Variants in SYN3 observed in about 807,000 individuals in gnomAD.
The protein encoded by SYN3 is synapsin-3.
SYN3 carries 35 observed loss-of-function variants against 65.8 expected under a neutral mutation model. That is an observed-to-expected ratio of 0.53 (90% CI 0.41 to 0.70). The LOEUF is 0.70. SYN3 is among the 30% of genes least tolerant of loss of function. The probability of loss-of-function intolerance (pLI) is 0.00; values close to 1 mark genes in which losing one functional copy is unlikely to be tolerated. For missense variants in SYN3, 680 were observed against 749.0 expected, an observed-to-expected ratio of 0.91 and a Z score of 1.08; for synonymous variants, 270 against 292.9, an observed-to-expected ratio of 0.92 and a Z score of 0.80.
At chr22:32,541,160 C>A (rs753102805) in intron 8 of SYN3, among the ~76,000 whole-genome samples, 27 of 152,182 alleles carry the variant, frequency 1.8e-4, no homozygotes, top group Admixed American at 7.2e-4. Flanking sequence ...CCGTTCTGCA[C>A]CTCCCAGCCT....
intron 6 of SYN3, among the ~76,000 whole-genome samples, chr22:32,727,068 A>G (rs1229348404): frequency 2.0e-5 from 3 of 151,602 alleles, no homozygotes; most frequent in African/African-American, 4.9e-5. Context: ...GGTTTGCTGC[A>G]TGGATCATCC....
rs1000618140 is a variant in SYN3, at chr22:32,772,839, T to A, written c.711+92076A>T. On this transcript the variant is annotated intron_variant, in intron 6 of 13. Coordinates refer to ENST00000358763, the MANE Select transcript of SYN3 (RefSeq NM_003490.4). ...CTGAAGGGAGGATGCCCTGCCAACA[T>A]CTTGATGTCAGCCCAGTAGAACTGA... 4.6e-4 allele frequency among the ~76,000 whole-genome samples: 70 copies of A among 152,208 alleles called. 1 individual carries two copies. The highest frequency in any genetic ancestry group is 9.3e-4 in the Non-Finnish European group (63 of 68,016).
intron 3 of SYN3, among the ~76,000 whole-genome samples, chr22:32,950,374 G>A (rs940859336): frequency 4.6e-5 from 7 of 152,116 alleles, no homozygotes; most frequent in South Asian, 2.1e-4. Context: ...GGTCATGGCC[G>A]GGGGTGATTC....
chr22:32,615,546 C>T (rs2059507409), intron 6 of SYN3, among the ~76,000 whole-genome samples: 1 of 151,806 alleles, frequency 6.6e-6, no homozygotes, highest in South Asian at 2.1e-4. Context: ...TCGGCTCCAT[C>T]CAGCTCTGCC....
intron 6 of SYN3, among the ~76,000 whole-genome samples, chr22:32,760,532 T>C (rs1214860967): frequency 6.6e-6 from 1 of 152,052 alleles, no homozygotes; most frequent in East Asian, 2.0e-4. Context: ...GGAGTGGTCT[T>C]CCCTTCCACC....
rs761929046 is a variant in SYN3, at chr22:32,509,096, A to C, written c.*4596T>G. Among the ~76,000 whole-genome samples, 7 of 152,240 alleles carry C rather than the reference A, an allele frequency of 4.6e-5. No homozygotes were observed. Among genetic ancestry groups the C allele is most frequent in the Admixed American group, 2.6e-4 (4 of 15,284 alleles). Reference sequence around the variant, plus strand: ...CTAGGGAACTGATGGAAGAGAAAGGATATGCCACTGTTCCTGGAAAGCTGA... The same window carrying C: ...CTAGGGAACTGATGGAAGAGAAAGGCTATGCCACTGTTCCTGGAAAGCTGA... On this transcript the variant is annotated 3_prime_UTR_variant, in exon 14 of 14. Transcript: ENST00000358763.
intron 6 of SYN3, among the ~76,000 whole-genome samples, chr22:32,815,840 C>A (rs1478245596): frequency 1.3e-5 from 2 of 152,158 alleles, no homozygotes; most frequent in Non-Finnish European, 2.9e-5. Context: ...CCAATTCTGC[C>A]CACGGTCACC....
chr22:32,607,779 T>C, intron 6 of SYN3, among the ~76,000 whole-genome samples: 1 of 152,262 alleles, frequency 6.6e-6, no homozygotes, highest in Non-Finnish European at 1.5e-5. Context: ...TGTTCTTGCC[T>C]GTGTGATGTT....
At chr22:32,937,045 A>C (rs2050793810) in intron 3 of SYN3, among the ~76,000 whole-genome samples, 1 of 152,222 alleles carries the variant, frequency 6.6e-6, no homozygotes, top group South Asian at 2.1e-4. Flanking sequence ...AGCACCCAAC[A>C]CATCACATTC....
intron 1 of SYN3, among the ~76,000 whole-genome samples, chr22:33,008,514 G>A (rs1254953824): frequency 6.6e-6 from 1 of 152,008 alleles, no homozygotes; most frequent in East Asian, 1.9e-4. Context: ...TCCCTCAATG[G>A]TTCTGAGATG....
chr22:32,595,497 AT>A (rs2059185978), intron 7 of SYN3, among the ~76,000 whole-genome samples: 1 of 152,180 alleles, frequency 6.6e-6, no homozygotes. Flanking sequence ...TCAGGATGTT[AT>A]TTGTGACTGT....
chr22:32,819,215 C>T (rs1271579135), intron 6 of SYN3, among the ~76,000 whole-genome samples: 1 of 152,188 alleles, frequency 6.6e-6, no homozygotes, highest in African/African-American at 2.4e-5. Context: ...CCTTGCAGGC[C>T]GGTGCTGGGT....
intron 6 of SYN3, among the ~76,000 whole-genome samples, chr22:32,720,670 G>C (rs1027265835): frequency 6.6e-6 from 1 of 152,206 alleles, no homozygotes; most frequent in African/African-American, 2.4e-5. Context: ...CTGAGGACCA[G>C]AGTCCATAAA....
intron 3 of SYN3, among the ~76,000 whole-genome samples, chr22:32,974,929 G>A (rs982267655): frequency 6.6e-6 from 1 of 152,172 alleles, no homozygotes. Context: ...AGCAAACACA[G>A]CTAAAATATG....
intron 6 of SYN3, among the ~76,000 whole-genome samples, chr22:32,761,612 C>G (rs975955613): frequency 6.6e-5 from 10 of 152,168 alleles, no homozygotes; most frequent in Non-Finnish European, 1.3e-4. Context: ...GGTGGGGGTG[C>G]CTCTGAAACC....
At chr22:32,714,325 TCA>T (rs1218056954) in intron 6 of SYN3, among the ~76,000 whole-genome samples, 1 of 152,206 alleles carries the variant, frequency 6.6e-6, no homozygotes, top group African/African-American at 2.4e-5. Flanking sequence ...TCTGTGGACC[TCA>T]GTTTCCCTAT....
intron 1 of SYN3, among the ~76,000 whole-genome samples, chr22:33,025,091 A>G (rs1477270079): frequency 6.6e-6 from 1 of 151,962 alleles, no homozygotes; most frequent in African/African-American, 2.4e-5. Context: ...TGTAATCCCA[A>G]CACTTTGGGA....
chr22:32,962,355 C>T (rs921886756), intron 3 of SYN3, among the ~76,000 whole-genome samples: 20 of 151,952 alleles, frequency 1.3e-4, no homozygotes, highest in Admixed American at 2.6e-4. Flanking sequence ...AGGATGGTCT[C>T]GATCTCTTGA....
intron 7 of SYN3, among the ~76,000 whole-genome samples, chr22:32,551,582 A>T (rs1425293846): frequency 2.0e-5 from 3 of 152,070 alleles, no homozygotes; most frequent in Non-Finnish European, 4.4e-5. Flanking sequence ...GGCTTATGTC[A>T]TACTAACCAT....
Sources: gnomAD v4.1 joint callset for allele counts (sites outside exome capture counted in the v4.1 genomes callset) on GRCh38, gnomAD v4.1.1 for gene constraint, MANE v1.5 for transcripts, NCBI Gene and HGNC (gene_info 2026-07-23, HGNC 2026-07-21) for gene names.